Variants in DLC1 observed in about 807,000 individuals in gnomAD.
DLC1 encodes rho GTPase-activating protein 7.
Under a neutral mutation model 140.3 loss-of-function variants are expected in DLC1, and 54 were observed. That is an observed-to-expected ratio of 0.38 (90% confidence interval 0.31 to 0.48). The LOEUF (loss-of-function observed/expected upper bound fraction) is 0.48. Among genes scored for constraint, DLC1 ranks in the 20% least tolerant of loss-of-function variants. The probability of loss-of-function intolerance (pLI) is 0.96; values close to 1 mark genes in which losing one functional copy is unlikely to be tolerated. For synonymous variants in DLC1, 986 were observed against 728.1 expected, an observed-to-expected ratio of 1.35 and a Z score of -5.70; for missense variants, 2,536 against 1,907.0, an observed-to-expected ratio of 1.33 and a Z score of -6.14.
chr8:13,430,206 G>T (rs1838797056), intron 2 of DLC1, among the ~76,000 whole-genome samples: 1 of 152,156 alleles, frequency 6.6e-6, no homozygotes, highest in African/African-American at 2.4e-5. Flanking sequence ...CTGGGAGTTT[G>T]TTGAAAGGCA....
intron 5 of DLC1, among the ~76,000 whole-genome samples, chr8:13,185,405 T>A (rs1826307814): frequency 6.6e-6 from 1 of 151,932 alleles, no homozygotes; most frequent in Non-Finnish European, 1.5e-5. Flanking sequence ...TCTCCTGGGT[T>A]CATGCCATTC....
At chr8:13,181,482 C>T (rs1826031916) in intron 5 of DLC1, among the ~76,000 whole-genome samples, 1 of 150,782 alleles carries the variant, frequency 6.6e-6, no homozygotes, top group Non-Finnish European at 1.5e-5. Context: ...GCTATCCCTC[C>T]CCCAGCCCCC....
At chr8:13,381,205 G>A (rs538935085) in intron 4 of DLC1, among the ~76,000 whole-genome samples, 12 of 152,184 alleles carry the variant, frequency 7.9e-5, no homozygotes, top group Non-Finnish European at 1.5e-4. Flanking sequence ...TCACAGACCA[G>A]AGATGTATCA....
chr8:13,326,086 A>G (rs977172129), intron 4 of DLC1, among the ~76,000 whole-genome samples: 1 of 152,226 alleles, frequency 6.6e-6, no homozygotes, highest in East Asian at 1.9e-4. Context: ...AGTTCACTCT[A>G]TGATGTCTGC....
chr8:13,187,581 C>G (rs765669155), intron 5 of DLC1, among the ~76,000 whole-genome samples: 1 of 151,972 alleles, frequency 6.6e-6, no homozygotes, highest in Admixed American at 6.6e-5. Context: ...ATAGAGGAGA[C>G]GCAGAGAAAG....
chr8:13,514,352 T>C (rs1245526754), intron 1 of DLC1, among the ~76,000 whole-genome samples: 1 of 152,182 alleles, frequency 6.6e-6, no homozygotes, highest in East Asian at 1.9e-4. Flanking sequence ...TAAAAAGGGA[T>C]AAAAATAAAA....
Position 13,401,488 on chromosome 8 carries a change from G to C in DLC1, c.1155C>G (p.Asn385Lys). ...TSSSPSGTPTNLRRHVPDLES... is the reference protein window; with the variant it reads ...TSSSPSGTPTKLRRHVPDLES... Reference sequence around the variant, plus strand: ...AGCTCACAGGAACGTGCCGCCGCAGGTTTGTTGGTGTGCCTGATGGAGAGG... The same window carrying C: ...AGCTCACAGGAACGTGCCGCCGCAGCTTTGTTGGTGTGCCTGATGGAGAGG... The change falls in exon 3 of 18, where the codon AAC becomes AAG. Residue 385 changes from asparagine (N) to lysine (K), a missense_variant. Coordinates refer to ENST00000276297, the MANE Select transcript of DLC1 (RefSeq NM_182643.3). 1 of 1,612,540 alleles carries C rather than the reference G, an allele frequency of 6.2e-7. No homozygotes were observed.
chr8:13,471,029 A>G (rs1015508038), intron 2 of DLC1, among the ~76,000 whole-genome samples: 6 of 152,198 alleles, frequency 3.9e-5, no homozygotes, highest in East Asian at 3.8e-4. Flanking sequence ...TGCAAATGAA[A>G]TAAGCCACAC....
At chr8:13,494,412 G>C (rs1017287729) in intron 2 of DLC1, among the ~76,000 whole-genome samples, 1 of 152,110 alleles carries the variant, frequency 6.6e-6, no homozygotes, top group Admixed American at 6.6e-5. Context: ...TGAAGCCGAC[G>C]ACCTGGGTAC....
chr8:13,487,407 C>G (rs1274810934), intron 2 of DLC1, among the ~76,000 whole-genome samples: 1 of 152,074 alleles, frequency 6.6e-6, no homozygotes, highest in Non-Finnish European at 1.5e-5. Context: ...CATTCAGTCT[C>G]AAAATTTATA....
chr8:13,131,537 A>C (rs555860047), intron 5 of DLC1, among the ~76,000 whole-genome samples: 1 of 152,130 alleles, frequency 6.6e-6, no homozygotes, highest in Non-Finnish European at 1.5e-5. Context: ...GACTCACTCA[A>C]AACAAGACTG....
chr8:13,581,497 C>T (rs1026828430), intron 1 of DLC1, among the ~76,000 whole-genome samples: 2 of 152,202 alleles, frequency 1.3e-5, no homozygotes, highest in Non-Finnish European at 2.9e-5. Flanking sequence ...CTCTGATGTA[C>T]TATGTCCAAT....
chr8:13,185,934 T>C (rs1826346295), intron 5 of DLC1, among the ~76,000 whole-genome samples: 1 of 152,240 alleles, frequency 6.6e-6, no homozygotes, highest in South Asian at 2.1e-4. Flanking sequence ...TATGAAATTC[T>C]GGGTTGAAAA....
At chr8:13,293,731 C>G (rs1831846823) in intron 5 of DLC1, among the ~76,000 whole-genome samples, 1 of 152,156 alleles carries the variant, frequency 6.6e-6, no homozygotes, top group South Asian at 2.1e-4. Flanking sequence ...CCACTTTCAG[C>G]TGCAGAGACC....
intron 4 of DLC1, among the ~76,000 whole-genome samples, chr8:13,308,440 T>C (rs933939681): frequency 1.3e-5 from 2 of 152,220 alleles, no homozygotes; most frequent in African/African-American, 4.8e-5. Context: ...TGATTTATCT[T>C]TGAATTTGAG....
chr8:13,594,621 C>T (rs1805626743), intron 1 of DLC1, among the ~76,000 whole-genome samples: 1 of 152,094 alleles, frequency 6.6e-6, no homozygotes, highest in Non-Finnish European at 1.5e-5. Flanking sequence ...TCCTCCTAAA[C>T]TTCTTGACTT....
In DLC1 at chr8:13,094,706, G is replaced by T. The variant is rs553760267; in HGVS notation, c.3526+53C>A. Reference sequence around the variant, plus strand: ...GCTATCAAGGAAGCTACAAGCTTCAGTTGGTCCCATTTTTCCCCAATGCCA... The same window carrying T: ...GCTATCAAGGAAGCTACAAGCTTCATTTGGTCCCATTTTTCCCCAATGCCA... On this transcript the variant is annotated intron_variant, in intron 12 of 17. Transcript: ENST00000276297. The T allele has an allele frequency of 4.9e-4, 782 of 1,604,530 alleles. 12 individuals are homozygous for T. In the South Asian group the frequency reaches 8.2e-3, roughly 17 times the overall value.
At chr8:13,468,811 C>T (rs1173144977) in intron 2 of DLC1, among the ~76,000 whole-genome samples, 5 of 89,956 alleles carry the variant, frequency 5.6e-5, no homozygotes, top group Non-Finnish European at 9.9e-5. Context: ...TTTATGTCTG[C>T]TTTTTTTTTT....
chr8:13,181,323 TTTTC>T (rs1276324911), intron 5 of DLC1, among the ~76,000 whole-genome samples: 7 of 151,684 alleles, frequency 4.6e-5, no homozygotes, highest in South Asian at 2.1e-4. Flanking sequence ...TCTTTTTTTT[TTTTC>T]TTTCTTTCTT....
Sources: allele counts gnomAD v4.1 joint callset (sites outside exome capture counted in the v4.1 genomes callset), GRCh38; gene constraint gnomAD v4.1.1; transcripts MANE v1.5; gene names NCBI Gene and HGNC (gene_info 2026-07-23, HGNC 2026-07-21).